COP1: variants seen among roughly 807,000 people sequenced by gnomAD.
COP1 encodes COP1 E3 ubiquitin ligase, also known as E3 ubiquitin-protein ligase COP1.
In COP1, 24 loss-of-function variants were observed where a neutral mutation model predicts 101.3. The ratio of observed to expected loss-of-function variants is 0.24; its 90% CI spans 0.17 to 0.33. The LOEUF is 0.33. COP1 is among the 10% of genes least tolerant of loss of function. The pLI is 1.00. For missense variants in COP1, 663 were observed against 906.2 expected (o/e 0.73, Z 3.45); for synonymous variants, 347 against 341.9 (o/e 1.01, Z -0.17).
intron 8 of COP1, among the ~76,000 whole-genome samples, chr1:176,120,796 T>A (rs1686989713): frequency 1.3e-5 from 2 of 152,176 alleles, no homozygotes. Flanking sequence ...TGGTTCACTC[T>A]TGGAAAGATA....
chr1:176,199,852 C>G (rs1398841744), intron 1 of COP1, among the ~76,000 whole-genome samples: 2 of 152,190 alleles, frequency 1.3e-5, no homozygotes, highest in African/African-American at 4.8e-5. Context: ...GGTGACTGCA[C>G]AGGTGTATTC....
intron 8 of COP1, among the ~76,000 whole-genome samples, chr1:176,117,249 G>A (rs1268600267): frequency 6.6e-6 from 1 of 152,056 alleles, no homozygotes; most frequent in Non-Finnish European, 1.5e-5. Flanking sequence ...ACTATCAAAA[G>A]AATAAAATAA....
intron 14 of COP1, among the ~76,000 whole-genome samples, chr1:176,038,884 TAC>T (rs1214805139): frequency 6.7e-6 from 1 of 149,928 alleles, no homozygotes; most frequent in East Asian, 1.9e-4. Flanking sequence ...AACAGGCCCA[TAC>T]ACATCCCTTT....
At chr1:176,131,457 A>G (rs901658981) in intron 8 of COP1, among the ~76,000 whole-genome samples, 5 of 151,850 alleles carry the variant, frequency 3.3e-5, no homozygotes, top group African/African-American at 1.2e-4. Flanking sequence ...ATCTAAACAT[A>G]AACCCAGAAT....
At chr1:176,185,914 A>G (rs2102055704) in intron 1 of COP1, among the ~76,000 whole-genome samples, 1 of 152,342 alleles carries the variant, frequency 6.6e-6, no homozygotes, top group African/African-American at 2.4e-5. Context: ...TCACTCCTTC[A>G]AGAAAAATTT....
chr1:176,023,508 C>T (rs897617865), intron 15 of COP1, among the ~76,000 whole-genome samples: 2 of 151,898 alleles, frequency 1.3e-5, no homozygotes, highest in South Asian at 2.1e-4. Context: ...CACCTGAGGT[C>T]AGGAGTTTGA....
intron 1 of COP1, among the ~76,000 whole-genome samples, chr1:176,197,580 A>G (rs890881230): frequency 1.3e-5 from 2 of 152,204 alleles, no homozygotes; most frequent in African/African-American, 4.8e-5. Flanking sequence ...ACACTGTGAT[A>G]TGAAAACCAG....
At chr1:176,131,549 A>G (rs958797148) in intron 8 of COP1, among the ~76,000 whole-genome samples, 2 of 151,880 alleles carry the variant, frequency 1.3e-5, no homozygotes, top group African/African-American at 4.8e-5. Context: ...GAGCTTTTGT[A>G]AAGTAAGCCT....
At chr1:176,130,840 T>C (rs1390590890) in intron 8 of COP1, among the ~76,000 whole-genome samples, 1 of 151,786 alleles carries the variant, frequency 6.6e-6, no homozygotes, top group Non-Finnish European at 1.5e-5. Flanking sequence ...TTTTCCAAAG[T>C]AATACATATT....
intron 11 of COP1, among the ~76,000 whole-genome samples, chr1:176,068,050 T>C (rs892277902): frequency 2.0e-5 from 3 of 152,212 alleles, no homozygotes; most frequent in Admixed American, 6.5e-5. Context: ...ATGTTGGTAA[T>C]GGGTGATGCT....
intron 14 of COP1, among the ~76,000 whole-genome samples, chr1:176,041,443 G>C (rs1476519750): frequency 1.3e-5 from 2 of 151,078 alleles, no homozygotes; most frequent in African/African-American, 4.9e-5. Flanking sequence ...TGCCTCCTAG[G>C]TTCGAACAAT....
intron 8 of COP1, among the ~76,000 whole-genome samples, chr1:176,124,428 C>T (rs1349240569): frequency 2.9e-5 from 4 of 136,168 alleles, no homozygotes; most frequent in African/African-American, 1.1e-4. Context: ...CCCCGTACTA[C>T]CCCTTTCCCA....
intron 9 of COP1, among the ~76,000 whole-genome samples, chr1:176,113,959 T>A (rs1685732754): frequency 6.6e-6 from 1 of 151,268 alleles, no homozygotes; most frequent in African/African-American, 2.4e-5. Context: ...TTTTTTTTTT[T>A]TATAGTTTGC....
chr1:176,057,596 C>T (rs527238472), intron 11 of COP1, among the ~76,000 whole-genome samples: 3 of 152,284 alleles, frequency 2.0e-5, no homozygotes, highest in Admixed American at 6.5e-5. Context: ...CTCGGCCTCC[C>T]GAGGTGCCGG....
intron 15 of COP1, among the ~76,000 whole-genome samples, chr1:175,997,918 T>C (rs913983985): frequency 6.6e-6 from 1 of 151,980 alleles, no homozygotes; most frequent in Admixed American, 6.5e-5. Context: ...CAAAGGACTA[T>C]AAATAATGCT....
At chr1:175,945,335 A>G (rs367555493) in intron 19 of COP1, among the ~76,000 whole-genome samples, 165 bp from the exon 20 acceptor site, 4 of 152,258 alleles carry the variant, frequency 2.6e-5, no homozygotes, top group South Asian at 4.1e-4. Context: ...ATCCTTTTTG[A>G]CCTGCAGCTT....
At chr1:176,065,409 C>T (rs1353757762) in intron 11 of COP1, among the ~76,000 whole-genome samples, 5 of 152,168 alleles carry the variant, frequency 3.3e-5, no homozygotes, top group African/African-American at 7.2e-5. Context: ...CTAGGACAAA[C>T]GGTGAATTGA....
At chr1:176,023,404 A>T (rs929458810) in intron 15 of COP1, among the ~76,000 whole-genome samples, 2 of 152,222 alleles carry the variant, frequency 1.3e-5, no homozygotes, top group African/African-American at 2.4e-5. Context: ...TAGAAAACTT[A>T]GAAAATATGA....
At chr1:176,038,992 G>C (rs1469768650) in intron 14 of COP1, among the ~76,000 whole-genome samples, 1 of 152,112 alleles carries the variant, frequency 6.6e-6, no homozygotes, top group African/African-American at 2.4e-5. Context: ...GACATCTACA[G>C]ATTATTTCTT....
Sources: gnomAD v4.1 joint callset for allele counts (sites outside exome capture counted in the v4.1 genomes callset) on GRCh38, gnomAD v4.1.1 for gene constraint, MANE v1.5 for transcripts, NCBI Gene and HGNC (gene_info 2026-07-23, HGNC 2026-07-21) for gene names.